Variants in ZNRF3 observed in about 807,000 individuals in gnomAD.
ZNRF3 encodes the protein zinc and ring finger 3.
Under a neutral mutation model 72.5 loss-of-function variants are expected in ZNRF3, and 23 were observed. The ratio of observed to expected loss-of-function variants is 0.32; its 90% CI spans 0.23 to 0.45. The LOEUF (loss-of-function observed/expected upper bound fraction) is 0.45, where lower values mean the gene tolerates loss of function less well. ZNRF3 is among the 20% of genes least tolerant of loss of function. ZNRF3 has a pLI of 1.00. For synonymous variants in ZNRF3, 610 were observed against 545.3 expected, an observed-to-expected ratio of 1.12 and a Z score of -1.65; for missense variants, 1,169 against 1,272.1, an observed-to-expected ratio of 0.92 and a Z score of 1.23.
Position 28,985,396 on chromosome 22 carries a change from G to A in ZNRF3, c.301-1680G>A, listed in dbSNP as rs185024501. ...GGCTTGGAACTGACCTCTCTCTCTC[G>A]TTTTGCCCTGATCAGTCTAACTCTT... is the stretch of plus-strand genomic sequence containing the variant. On this transcript the variant is annotated intron_variant, in intron 1 of 8. Coordinates refer to ENST00000544604, the MANE Select transcript of ZNRF3 (RefSeq NM_001206998.2). Among the ~76,000 whole-genome samples, 27 of 151,964 alleles carry A rather than the reference G, an allele frequency of 1.8e-4. 1 individual carries two copies. The East Asian group carries it at 4.1e-3, about 23-fold the overall frequency.
intron 1 of ZNRF3, among the ~76,000 whole-genome samples, chr22:28,904,745 C>T (rs2034173541): frequency 6.6e-6 from 1 of 152,036 alleles, no homozygotes. Context: ...ATGAGATTGA[C>T]CCTTCTTTTT....
intron 1 of ZNRF3, among the ~76,000 whole-genome samples, chr22:28,918,559 T>A (rs1358823510): frequency 1.3e-5 from 2 of 151,658 alleles, no homozygotes; most frequent in Non-Finnish European, 2.9e-5. Flanking sequence ...TGTGTGTGTG[T>A]GTGTGTGTGT....
chr22:28,906,067 A>G (rs1056835738), intron 1 of ZNRF3, among the ~76,000 whole-genome samples: 3 of 152,236 alleles, frequency 2.0e-5, no homozygotes, highest in East Asian at 1.9e-4. Flanking sequence ...GCTCACGCCT[A>G]TAATCCCAGC....
intron 1 of ZNRF3, among the ~76,000 whole-genome samples, chr22:28,971,558 A>G (rs1433556244): frequency 6.6e-6 from 1 of 152,190 alleles, no homozygotes; most frequent in African/African-American, 2.4e-5. Context: ...ACAGGATGTA[A>G]GACGTGTGTT....
chr22:29,024,832 G>C (rs1049950724), intron 2 of ZNRF3, among the ~76,000 whole-genome samples: 26 of 152,066 alleles, frequency 1.7e-4, no homozygotes, highest in African/African-American at 6.3e-4. Flanking sequence ...AAACCATAGT[G>C]ACTGCTTGGA....
chr22:28,996,562 G>C (rs1378227075), intron 2 of ZNRF3, among the ~76,000 whole-genome samples: 1 of 152,180 alleles, frequency 6.6e-6, no homozygotes, highest in Non-Finnish European at 1.5e-5. Context: ...GCTTAGCTGG[G>C]TTAGAGAAAC....
chr22:28,983,164 C>T lies in ZNRF3; in HGVS notation c.301-3912C>T, dbSNP rs74967198. On this transcript the variant is annotated intron_variant, in intron 1 of 8. Coordinates refer to ENST00000544604, the MANE Select transcript of ZNRF3 (RefSeq NM_001206998.2). ...TTCATTCCTGTTCAGAAGTCAATGC[C>T]CTTGACGGGGCTGATGTGTTGAGCT... Among the ~76,000 whole-genome samples, 1,090 of 152,184 alleles carry T rather than the reference C, an allele frequency of 7.2e-3. 17 individuals carry two copies. Among genetic ancestry groups the T allele is most frequent in the African/African-American group, 0.025 (1,050 of 41,498 alleles).
At chr22:29,036,861 A>T (rs2036875827) in intron 2 of ZNRF3, among the ~76,000 whole-genome samples, 1 of 152,242 alleles carries the variant, frequency 6.6e-6, no homozygotes, top group Non-Finnish European at 1.5e-5. Context: ...AATTTTTAAT[A>T]ACTTAGAAGC....
intron 1 of ZNRF3, among the ~76,000 whole-genome samples, chr22:28,887,220 AAGAG>A (rs67943780): frequency 0.015 from 2,249 of 148,002 alleles, 39 homozygotes; most frequent in African/African-American, 0.047. Context: ...TATGCCAACG[AAGAG>A]AGAGAGAGAG....
At chr22:28,937,856 C>G (rs778237935) in intron 1 of ZNRF3, among the ~76,000 whole-genome samples, 3 of 152,092 alleles carry the variant, frequency 2.0e-5, no homozygotes, top group Non-Finnish European at 4.4e-5. Context: ...CATAGCGTTG[C>G]TTTTTAAAAA....
At chr22:29,041,309 A>T (rs1374138130) in intron 2 of ZNRF3, among the ~76,000 whole-genome samples, 2 of 151,828 alleles carry the variant, frequency 1.3e-5, no homozygotes, top group African/African-American at 4.8e-5. Context: ...CACCCAGCTA[A>T]TTTTTCTGTT....
intron 1 of ZNRF3, among the ~76,000 whole-genome samples, chr22:28,952,336 G>T (rs757606150): frequency 2.0e-5 from 3 of 152,250 alleles, no homozygotes; most frequent in Non-Finnish European, 4.4e-5. Flanking sequence ...CTGGACGGGT[G>T]CTCCACTGCA....
rs569601635 is a variant in ZNRF3 at position 28,924,079 on chromosome 22, A to G, written c.300+40013A>G. Among the ~76,000 whole-genome samples the G allele has an allele frequency of 5.3e-5, 8 of 152,368 alleles. No homozygotes were observed. The South Asian group carries it at 1.7e-3, about 32-fold the overall frequency. ...GGAGCAGCCCGGATTGATGCCCAGA[A>G]TGAGAGCTCTCTGCTGATGTAATCG... On this transcript the variant is annotated intron_variant, in intron 1 of 8. Coordinates refer to ENST00000544604, the MANE Select transcript of ZNRF3 (RefSeq NM_001206998.2).
At chr22:28,991,452 A>G (rs2035953273) in intron 2 of ZNRF3, among the ~76,000 whole-genome samples, 1 of 152,002 alleles carries the variant, frequency 6.6e-6, no homozygotes, top group South Asian at 2.1e-4. Flanking sequence ...CAGAAAGGGT[A>G]CTTCATTCAG....
At chr22:28,939,833 C>G (rs1330221033) in intron 1 of ZNRF3, among the ~76,000 whole-genome samples, 2 of 152,094 alleles carry the variant, frequency 1.3e-5, no homozygotes, top group Non-Finnish European at 2.9e-5. Flanking sequence ...TTTTTTTCAC[C>G]TCTTCCAACC....
At chr22:28,955,393 G>A (rs13056576) in intron 1 of ZNRF3, among the ~76,000 whole-genome samples, 2,457 of 152,204 alleles carry the variant, frequency 0.016, 30 homozygotes, top group Middle Eastern at 0.037. Context: ...AAGAGTTTGT[G>A]CTAGTTATGT....
intron 1 of ZNRF3, among the ~76,000 whole-genome samples, chr22:28,950,679 C>T (rs79378907): frequency 0.023 from 3,551 of 152,316 alleles, 80 homozygotes; most frequent in Non-Finnish European, 0.035. Flanking sequence ...TGAGGATACT[C>T]CTTATACTTA....
intron 1 of ZNRF3, among the ~76,000 whole-genome samples, chr22:28,965,150 A>T (rs1031442258): frequency 6.6e-6 from 1 of 152,194 alleles, no homozygotes; most frequent in Non-Finnish European, 1.5e-5. Context: ...CAGCCATCCT[A>T]GCACAGCTGG....
chr22:29,031,584 T>C (rs1465903876), intron 2 of ZNRF3: 1 of 985,440 alleles, frequency 1.0e-6, no homozygotes, highest in Admixed American at 6.1e-5. Context: ...GCCTGGGTGG[T>C]CACTACTAAG....
Sources: gnomAD v4.1 joint callset for allele counts (sites outside exome capture counted in the v4.1 genomes callset) on GRCh38, gnomAD v4.1.1 for gene constraint, MANE v1.5 for transcripts, NCBI Gene and HGNC (gene_info 2026-07-23, HGNC 2026-07-21) for gene names.